Variants in APOB observed in about 807,000 individuals in gnomAD.
APOB encodes the protein apolipoprotein B-100.
In APOB, 153 loss-of-function variants were observed where a neutral mutation model predicts 314.1. The observed-to-expected ratio is 0.49, with a 90% CI of 0.43 to 0.56. The LOEUF (loss-of-function observed/expected upper bound fraction) is 0.56. APOB is among the 20% of genes least tolerant of loss of function. APOB has a pLI of 0.00. For missense variants in APOB, 5,430 were observed against 5,350.7 expected (o/e 1.01, Z -0.46); for synonymous variants, 2,087 against 2,036.4 (o/e 1.02, Z -0.67).
intron 4 of APOB, among the ~76,000 whole-genome samples, chr2:21,038,376 G>A (rs911456734): frequency 4.0e-5 from 6 of 150,078 alleles, no homozygotes; most frequent in Admixed American, 1.3e-4. Context: ...TCGCTCGGTC[G>A]CCCGGGCTGG....
In APOB at chr2:21,033,291, T is replaced by C; in HGVS notation, c.1124+8A>G. 6.2e-7 allele frequency: 1 copy of C among 1,610,762 alleles called. No individual in the cohort carries two copies. The highest frequency in any genetic ancestry group is 8.5e-7 in the Non-Finnish European group (1 of 1,176,924). On this transcript the variant is annotated splice_region_variant and intron_variant, in intron 9 of 28. Coordinates refer to ENST00000233242, the MANE Select transcript of APOB (RefSeq NM_000384.3). ...TTTATAAAAAGTTGAGCTGTAACCA[T>C]TAGATACCTGGACACCTCAATCAGC...
chr2:21,013,521 G>C lies in APOB; in HGVS notation c.3855C>G (p.Val1285=). The C allele has an allele frequency of 6.2e-7, 1 of 1,614,112 alleles. No individual in the cohort carries two copies. Among genetic ancestry groups the C allele is most frequent in the Non-Finnish European group, 8.5e-7 (1 of 1,180,024 alleles). The change falls in exon 25 of 29, where the codon GTC becomes GTG. Residue 1285 remains valine (V), a synonymous_variant. Transcript: ENST00000233242. ...ENLFLKSDGR[V]KYTLNKNSLK... ...AACTGTTCTTGTTCAAGGTATATTT[G>C]ACCCGGCCATCGCTGAAATGAACAA...
chr2:21,008,984 T>G lies in APOB; in HGVS notation c.7884A>C (p.Ser2628=). Residue 2628 remains serine, a synonymous_variant, in exon 26 of 29, where the codon TCA becomes TCC. Transcript: ENST00000233242. ...TTAAGTCTTTGAAGTTTATCTGAAC[T>G]GATGGAATCCTCAAATCTGTTAGGG... ...IVPLTDLRIP[S]VQINFKDLKN... 1 of 1,614,016 alleles carries G rather than the reference T, an allele frequency of 6.2e-7. No individual in the cohort carries two copies. The highest frequency in any genetic ancestry group is 8.5e-7 in the Non-Finnish European group (1 of 1,179,882).
Position 21,008,577 on chromosome 2 carries a change from A to G in APOB, c.8291T>C (p.Ile2764Thr). The G allele has an allele frequency of 2.5e-6, 4 of 1,614,050 alleles. No homozygotes were observed. Among genetic ancestry groups the G allele is most frequent in the Non-Finnish European group, 3.4e-6 (4 of 1,179,970 alleles). Residue 2764 changes from isoleucine (I) to threonine (T), a missense_variant, in exon 26 of 29, where the codon ATC becomes ACC. Physicochemically the swap from Ile to Thr is moderately conservative, Grantham distance 89. Around this residue, in one of 3 missense-constraint regions of APOB, gnomAD observed 3,281 missense variants for 3,171.0 expected, o/e 1.03. Coordinates refer to ENST00000233242, the MANE Select transcript of APOB (RefSeq NM_000384.3). ...TFGKLYSILK[I>T]QSPLFTLDAN... is the part of the protein sequence containing the mutation. ...ATCTAATGTGAAAAGAGGAGATTGGATTTTCAGAATACTGTATAGCTTGCC... is the reference window on the plus strand; with the variant it reads ...ATCTAATGTGAAAAGAGGAGATTGGGTTTTCAGAATACTGTATAGCTTGCC...
chr2:21,014,453 T>C lies in APOB; in HGVS notation c.3837A>G (p.Leu1279=), dbSNP rs1558566683. Residue 1279 remains leucine (L), a synonymous_variant, in exon 24 of 29, where the codon TTA becomes TTG. Transcript: ENST00000233242. ...PDFHIPENLF[L]KSDGRVKYTL... ...TTGCTGCTTTCTTCTTTTACCTTTTTAAGAAGAGGTTTTCTGGGATGTGGA... is the reference window on the plus strand; with the variant it reads ...TTGCTGCTTTCTTCTTTTACCTTTTCAAGAAGAGGTTTTCTGGGATGTGGA... 1 of 1,614,152 alleles carries C rather than the reference T, an allele frequency of 6.2e-7. No individual in the cohort carries two copies. Among genetic ancestry groups the C allele is most frequent in the South Asian group, 1.1e-5 (1 of 91,080 alleles).
chr2:21,010,072 G>C lies in APOB; in HGVS notation c.6796C>G (p.Leu2266Val). Reference sequence around the variant, plus strand: ...TGTATGTGTCTCTTAAGCTGCTGCAGTTTTTCTTGTATCTGGATTCTGATT... The same window carrying C: ...TGTATGTGTCTCTTAAGCTGCTGCACTTTTTCTTGTATCTGGATTCTGATT... The part of the protein sequence containing the change: ...YQIRIQIQEK[L>V]QQLKRHIQNI... The change falls in exon 26 of 29, where the codon CTG becomes GTG. Residue 2266 changes from leucine to valine, a missense_variant. Physicochemically the swap from Leu to Val is conservative, Grantham distance 32. Around this residue, in one of 3 missense-constraint regions of APOB, gnomAD observed 3,281 missense variants for 3,171.0 expected, o/e 1.03. Transcript: ENST00000233242. The C allele has an allele frequency of 6.2e-7, 1 of 1,613,470 alleles. No individual in the cohort carries two copies. Among genetic ancestry groups the C allele is most frequent in the Non-Finnish European group, 8.5e-7 (1 of 1,179,864 alleles).
chr2:21,006,461 C>T lies in APOB; in HGVS notation c.10407G>A (p.Leu3469=). 6.2e-7 allele frequency: 1 copy of T among 1,614,056 alleles called. No homozygotes were observed. The highest frequency in any genetic ancestry group is 8.5e-7 in the Non-Finnish European group (1 of 1,179,974). ...CAACTGCTCCTTTAGCGGTAGAGTACAGCATTGAAGAATTGAAATCATACT... is the reference window on the plus strand; with the variant it reads ...CAACTGCTCCTTTAGCGGTAGAGTATAGCATTGAAGAATTGAAATCATACT... The part of the protein sequence containing the change: ...EFKYDFNSSM[L]YSTAKGAVDH... The change falls in exon 26 of 29, where the codon CTG becomes CTA. Residue 3469 remains leucine, a synonymous_variant. Transcript: ENST00000233242.
chr2:21,035,486 C>T (rs1025944916), intron 7 of APOB, 98 bp downstream of exon 7: 7 of 1,499,286 alleles, frequency 4.7e-6, no homozygotes, highest in Non-Finnish European at 6.5e-6. Context: ...CCATTCCTCC[C>T]TCCCAGGCAC....
intron 4 of APOB, among the ~76,000 whole-genome samples, chr2:21,038,368 G>A (rs922719933): frequency 3.4e-5 from 5 of 148,692 alleles, no homozygotes; most frequent in Middle Eastern, 3.2e-3. Context: ...ATGGAGTCTC[G>A]CTCGGTCGCC....
chr2:21,014,699 A>G (rs1169801212), intron 23 of APOB, 106 bp from the exon 24 acceptor site: 3 of 1,152,234 alleles, frequency 2.6e-6, no homozygotes, highest in East Asian at 2.4e-5. Context: ...ATTAAGCTGG[A>G]CAATGCACTG....
chr2:21,007,814 A>G lies in APOB; in HGVS notation c.9054T>C (p.Thr3018=), dbSNP rs1291966184. The change falls in exon 26 of 29, where the codon ACT becomes ACC. Residue 3018 remains threonine (T), a synonymous_variant. Coordinates refer to ENST00000233242, the MANE Select transcript of APOB (RefSeq NM_000384.3). ...ALFGEGKAEF[T]GRHDAHLNGK... Reference sequence around the variant, plus strand: ...CATTTAAATGAGCATCATGCCTCCCAGTAAACTCTGCCTTCCCTTCTCCAA... The same window carrying G: ...CATTTAAATGAGCATCATGCCTCCCGGTAAACTCTGCCTTCCCTTCTCCAA... 6.2e-7 allele frequency: 1 copy of G among 1,613,990 alleles called. No individual in the cohort carries two copies. The highest frequency in any genetic ancestry group is 2.2e-5 in the East Asian group (1 of 44,898).
In APOB at chr2:21,023,383, T is replaced by G. The variant is rs996130907; in HGVS notation, c.2604+142A>C. On this transcript the variant is annotated intron_variant, in intron 17 of 28. Coordinates refer to ENST00000233242, the MANE Select transcript of APOB (RefSeq NM_000384.3). ...GCATTCTGGTGGAAGCTTGAAGTTT[T>G]TCATAAAAAAATAATGAGGTGATTA... The G allele has an allele frequency of 3.9e-6, 4 of 1,026,316 alleles. No individual in the cohort carries two copies. In the Admixed American group the frequency reaches 7.9e-5, roughly 20 times the overall value. The allele number at this position is 1,026,316 out of a possible 1,614,324, so 63.6% of individuals were successfully genotyped here.
chr2:21,036,822 G>T (rs944615543), intron 6 of APOB, among the ~76,000 whole-genome samples: 1 of 152,160 alleles, frequency 6.6e-6, no homozygotes, highest in African/African-American at 2.4e-5. Context: ...CAAGTGATGA[G>T]ATTAGAGGCA....
Position 21,009,697 on chromosome 2 carries a change from C to T in APOB, c.7171G>A (p.Glu2391Lys). 1 of 1,613,330 alleles carries T rather than the reference C, an allele frequency of 6.2e-7. No homozygotes were observed. The highest frequency in any genetic ancestry group is 1.1e-5 in the South Asian group (1 of 90,968). Residue 2391 changes from glutamate to lysine, a missense_variant, in exon 26 of 29, where the codon GAG becomes AAG. Physicochemically the swap from Glu to Lys is moderately conservative, Grantham distance 56 (BLOSUM62 1). Transcript: ENST00000233242. Reference protein sequence around the residue: ...LQQVKIKDYFEKLVGFIDDAV... With the variant: ...LQQVKIKDYFKKLVGFIDDAV... Reference sequence around the variant, plus strand: ...TCATCAATAAATCCAACCAATTTCTCAAAGTAATCTTTTATCTTAACTTGT... The same window carrying T: ...TCATCAATAAATCCAACCAATTTCTTAAAGTAATCTTTTATCTTAACTTGT...
At chr2:21,037,896 T>C (rs961972815) in intron 5 of APOB, 62 bp downstream of exon 5, 1 of 1,586,486 alleles carries the variant, frequency 6.3e-7, no homozygotes. Context: ...ATGGTAGGAC[T>C]GGTCTCTAAC....
rs777298911 is a variant in APOB, at chr2:21,004,691, T to A, written c.11789-16A>T. 1.9e-6 allele frequency: 3 copies of A among 1,581,282 alleles called. No homozygotes were observed. Among genetic ancestry groups the A allele is most frequent in the South Asian group, 2.2e-5 (2 of 90,442 alleles). On this transcript the variant is annotated splice_polypyrimidine_tract_variant and intron_variant, in intron 26 of 28. Transcript: ENST00000233242. ...GTTCCCAAAACTGTATAGGAGAGATTTTGTATTTTATTAGATTCATAACAG... is the reference window on the plus strand; with the variant it reads ...GTTCCCAAAACTGTATAGGAGAGATATTGTATTTTATTAGATTCATAACAG...
Position 21,019,763 on chromosome 2 carries a change from T to A in APOB, c.2959A>T (p.Thr987Ser). The change falls in exon 19 of 29, where the codon ACA becomes TCA. Residue 987 changes from threonine to serine, a missense_variant. By Grantham distance (58) the Thr-to-Ser change is moderately conservative (BLOSUM62 1). Around this residue, in one of 3 missense-constraint regions of APOB, gnomAD observed 2,085 missense variants for 2,079.7 expected, o/e 1.00. Coordinates refer to ENST00000233242, the MANE Select transcript of APOB (RefSeq NM_000384.3). ...AGCGGATAGTAGGAGGCGGAGTCTG[T>A]GGAGCTGGCGTTGGAGTAAGCGCCT... Reference protein sequence around the residue: ...TSGAYSNASSTDSASYYPLTG... With the variant: ...TSGAYSNASSSDSASYYPLTG... 6.2e-7 allele frequency: 1 copy of A among 1,614,004 alleles called. No individual in the cohort carries two copies. Among genetic ancestry groups the A allele is most frequent in the Non-Finnish European group, 8.5e-7 (1 of 1,179,926 alleles).
chr2:21,043,824 TC>T (rs924173186), intron 1 of APOB, 39 bp downstream of exon 1: 2 of 1,533,816 alleles, frequency 1.3e-6, no homozygotes, highest in African/African-American at 2.7e-5. Context: ...GCCGGCTCCC[TC>T]CCGCTCCCTC....
chr2:21,016,453 G>T lies in APOB; in HGVS notation c.3318C>A (p.Leu1106=), dbSNP rs1558567515. The T allele has an allele frequency of 6.2e-7, 1 of 1,602,096 alleles. No homozygotes were observed. Residue 1106 remains leucine, a synonymous_variant, in exon 21 of 29, where the codon CTC becomes CTA. Transcript: ENST00000233242. ...GCCTTCTTTACCTTAGGTGGCCCAT[G>T]AGGGCGACCTCAGTAATTTTCTTGT... ...IQNKKITEVA[L]MGHLSCDTKE... is the part of the protein sequence containing the mutation.
Sources: gnomAD v4.1 joint callset for allele counts (sites outside exome capture counted in the v4.1 genomes callset) on GRCh38, gnomAD v4.1.1 for gene constraint, gnomAD v4.1.1 regional missense constraint, MANE v1.5 for transcripts, NCBI Gene and HGNC (gene_info 2026-07-23, HGNC 2026-07-21) for gene names.